The following ZBTB20 variants were observed in gnomAD, a reference collection of about 807,000 sequenced individuals.
ZBTB20 encodes the protein zinc finger and BTB domain-containing protein 20.
Under a neutral mutation model 56.9 loss-of-function variants are expected in ZBTB20, and 9 were observed. That is an observed-to-expected ratio of 0.16 (90% CI 0.10 to 0.28). The LOEUF (loss-of-function observed/expected upper bound fraction) is 0.28, where lower values mean the gene tolerates loss of function less well. Among genes scored for constraint, ZBTB20 ranks in the 10% least tolerant of loss-of-function variants. ZBTB20 has a pLI of 1.00. For synonymous variants in ZBTB20, 417 were observed against 420.7 expected, an observed-to-expected ratio of 0.99 and a Z score of 0.11; for missense variants, 655 against 1,003.0, an observed-to-expected ratio of 0.65 and a Z score of 4.69.
intron 1 of ZBTB20, among the ~76,000 whole-genome samples, chr3:115,131,943 G>A (rs13087012): frequency 6.6e-6 from 1 of 151,948 alleles, no homozygotes; most frequent in Non-Finnish European, 1.5e-5. Context: ...TTGTTTAGAT[G>A]AGCTGACTTT....
intron 7 of ZBTB20, among the ~76,000 whole-genome samples, chr3:114,458,557 T>C (rs2092159164): frequency 6.6e-6 from 1 of 152,176 alleles, no homozygotes; most frequent in Non-Finnish European, 1.5e-5. Context: ...GACCTGCTCA[T>C]GATAAGCTGA....
chr3:114,705,517 C>G (rs936716867), intron 5 of ZBTB20, among the ~76,000 whole-genome samples: 1 of 152,048 alleles, frequency 6.6e-6, no homozygotes, highest in African/African-American at 2.4e-5. Context: ...CACAAGAAGG[C>G]AAAGGGAAAA....
chr3:114,769,481 T>C (rs1252870917), intron 5 of ZBTB20, among the ~76,000 whole-genome samples: 3 of 149,182 alleles, frequency 2.0e-5, no homozygotes, highest in African/African-American at 5.0e-5. Flanking sequence ...AAATAGATAA[T>C]ATACTTTCAA....
At chr3:114,363,547 A>G (rs1200184283) in intron 10 of ZBTB20, among the ~76,000 whole-genome samples, 1 of 152,218 alleles carries the variant, frequency 6.6e-6, no homozygotes. Context: ...AAGACAAAGA[A>G]TTAAACTATT....
In ZBTB20 at chr3:114,729,076, AAAAAAAT is replaced by A. The variant is rs375330103; in HGVS notation, c.-342-35508_-342-35502del. The stretch of plus-strand genomic sequence containing the variant: ...CACATGTGCCCAAGAACTTAAAATT[AAAAAAAT>A]AAAAAATAAAAAAACTGACTCCAGC... On this transcript the variant is annotated intron_variant, in intron 5 of 11. Coordinates refer to ENST00000675478, the MANE Select transcript of ZBTB20 (RefSeq NM_001348800.3). Among the ~76,000 whole-genome samples, 579 of 152,240 alleles carry A rather than the reference AAAAAAAT, an allele frequency of 3.8e-3. 4 individuals carry two copies. Among genetic ancestry groups the A allele is most frequent in the African/African-American group, 0.013 (549 of 41,538 alleles).
intron 7 of ZBTB20, among the ~76,000 whole-genome samples, chr3:114,426,709 C>A (rs2089704139): frequency 6.6e-6 from 1 of 152,198 alleles, no homozygotes; most frequent in African/African-American, 2.4e-5. Flanking sequence ...ATAACTTAAA[C>A]CTCACTTATG....
intron 6 of ZBTB20, among the ~76,000 whole-genome samples, chr3:114,512,635 T>TA (rs1467890260): frequency 6.6e-6 from 1 of 152,180 alleles, no homozygotes; most frequent in Non-Finnish European, 1.5e-5. Flanking sequence ...AATTTTTATA[T>TA]AAATGAGAAA....
intron 3 of ZBTB20, among the ~76,000 whole-genome samples, chr3:114,957,640 C>T (rs968093364): frequency 6.6e-6 from 1 of 152,198 alleles, no homozygotes; most frequent in African/African-American, 2.4e-5. Flanking sequence ...AACATCATAT[C>T]TTTCCCCTAT....
intron 6 of ZBTB20, chr3:114,529,116 A>G (rs1011248049): frequency 6.6e-6 from 1 of 152,228 alleles, no homozygotes; most frequent in Admixed American, 6.5e-5. Flanking sequence ...CCTCTTGAGC[A>G]CATAGCTAAG....
intron 6 of ZBTB20, among the ~76,000 whole-genome samples, chr3:114,597,268 T>C (rs747077304): frequency 1.3e-5 from 2 of 152,176 alleles, no homozygotes; most frequent in Non-Finnish European, 2.9e-5. Flanking sequence ...TTCACCTCTC[T>C]TTTCCTGCCT....
intron 6 of ZBTB20, among the ~76,000 whole-genome samples, chr3:114,505,106 C>A (rs1026689151): frequency 1.3e-5 from 2 of 151,954 alleles, no homozygotes; most frequent in African/African-American, 4.8e-5. Context: ...ATTATTATAC[C>A]CATTTTATGG....
chr3:114,733,106 T>TTTTTTTTAA (rs1352883273), intron 5 of ZBTB20, among the ~76,000 whole-genome samples: 7 of 152,216 alleles, frequency 4.6e-5, no homozygotes, highest in Non-Finnish European at 1.0e-4. Flanking sequence ...AGACATTTTA[T>TTTTTTTTAA]TGGTTTAATG....
intron 6 of ZBTB20, among the ~76,000 whole-genome samples, chr3:114,606,260 GTTGT>G (rs1411323588): frequency 6.6e-6 from 1 of 152,072 alleles, no homozygotes; most frequent in Non-Finnish European, 1.5e-5. Flanking sequence ...TCTGATTAGT[GTTGT>G]TTAACATCAA....
At chr3:114,470,966 A>C (rs1412931076) in intron 7 of ZBTB20, among the ~76,000 whole-genome samples, 1 of 152,160 alleles carries the variant, frequency 6.6e-6, no homozygotes, top group Non-Finnish European at 1.5e-5. Flanking sequence ...CTGGTTTCAA[A>C]TCTTGTCTTT....
rs1198348155 is a variant in ZBTB20, at chr3:114,954,455, CCTT to C, written c.-456+19908_-456+19910del. On this transcript the variant is annotated intron_variant, in intron 3 of 11. Transcript: ENST00000675478. ...TGAGTCTGAAATAAGTTTAATGTGT[CCTT>C]CTTATTTCTATTTTAGTTACACACA... is the stretch of plus-strand genomic sequence containing the variant. Among the ~76,000 whole-genome samples the C allele has an allele frequency of 5.9e-5, 9 of 152,110 alleles. 1 individual carries two copies. The highest frequency in any genetic ancestry group is 1.9e-4 in the African/African-American group (8 of 41,520).
At chr3:114,903,549 C>A (rs1291544470) in intron 3 of ZBTB20, among the ~76,000 whole-genome samples, 9 of 151,978 alleles carry the variant, frequency 5.9e-5, no homozygotes, top group African/African-American at 2.2e-4. Flanking sequence ...GGCAACACTG[C>A]AACAATAGTA....
intron 10 of ZBTB20, among the ~76,000 whole-genome samples, chr3:114,376,858 GC>G (rs2083697950): frequency 6.6e-6 from 1 of 152,206 alleles, no homozygotes; most frequent in Non-Finnish European, 1.5e-5. Flanking sequence ...TGGATCTACA[GC>G]AGAAGTAGGG....
chr3:115,058,343 CAT>C (rs1174118541), intron 2 of ZBTB20, among the ~76,000 whole-genome samples: 4 of 152,172 alleles, frequency 2.6e-5, no homozygotes, highest in Non-Finnish European at 4.4e-5. Flanking sequence ...ATTTTAGTAT[CAT>C]GTGTCTTGAT....
chr3:114,609,506 T>C (rs766793059), intron 6 of ZBTB20, among the ~76,000 whole-genome samples: 12 of 152,234 alleles, frequency 7.9e-5, no homozygotes, highest in Non-Finnish European at 1.3e-4. Flanking sequence ...TTCAGTTTAT[T>C]ATCATTAGTA....
Sources: allele counts gnomAD v4.1 joint callset (sites outside exome capture counted in the v4.1 genomes callset), GRCh38; gene constraint gnomAD v4.1.1; transcripts MANE v1.5; gene names NCBI Gene and HGNC (gene_info 2026-07-23, HGNC 2026-07-21).